Variants in ABCA8 observed in about 807,000 individuals in gnomAD.
ABCA8 encodes the protein ABC-type organic anion transporter ABCA8.
ABCA8 carries 177 observed loss-of-function variants against 192.3 expected under a neutral mutation model. The ratio of observed to expected loss-of-function variants is 0.92; its 90% CI spans 0.81 to 1.04. The LOEUF is 1.04. Among genes scored for constraint, ABCA8 ranks in the 50% least tolerant of loss-of-function variants. The pLI, the probability that ABCA8 is intolerant of heterozygous loss-of-function variation, is 0.00. For synonymous variants in ABCA8, 642 were observed against 690.2 expected, an observed-to-expected ratio of 0.93 and a Z score of 1.09; for missense variants, 1,915 against 1,904.8, an observed-to-expected ratio of 1.01 and a Z score of -0.10.
intron 20 of ABCA8, among the ~76,000 whole-genome samples, chr17:68,903,097 G>A (rs1198699966): frequency 6.6e-6 from 1 of 152,082 alleles, no homozygotes; most frequent in African/African-American, 2.4e-5. Flanking sequence ...TTTGGCCATT[G>A]GATATCCCAT....
chr17:68,896,686 T>C (rs1453800292), intron 21 of ABCA8, among the ~76,000 whole-genome samples: 1 of 152,106 alleles, frequency 6.6e-6, no homozygotes, highest in Non-Finnish European at 1.5e-5. Flanking sequence ...TACTTAATAG[T>C]GGCCCCAAAG....
At position 68,885,297 on chromosome 17, in the gene ABCA8, C is replaced by A; in HGVS notation, c.3448G>T (p.Ala1150Ser). Residue 1150 changes from alanine to serine, a missense_variant, in exon 27 of 40, where the codon GCT becomes TCT. Transcript: ENST00000586539. Reference protein sequence around the residue: ...CFYVVTVFSVAGFAFSIFESD... With the variant: ...CFYVVTVFSVSGFAFSIFESD... ...TCGAAGATACTGAACGCAAATCCAG[C>A]CACAGAGAATACAGTGACCTAAAAG... is the stretch of plus-strand genomic sequence containing the variant. 1 of 1,611,988 alleles carries A rather than the reference C, an allele frequency of 6.2e-7. No individual in the cohort carries two copies. Among genetic ancestry groups the A allele is most frequent in the Non-Finnish European group, 8.5e-7 (1 of 1,179,120 alleles).
At chr17:68,890,923 G>A (rs1810806377) in intron 24 of ABCA8, among the ~76,000 whole-genome samples, 1 of 152,128 alleles carries the variant, frequency 6.6e-6, no homozygotes, top group Non-Finnish European at 1.5e-5. Flanking sequence ...TTCCCCATCT[G>A]AAAAATATTG....
chr17:68,940,019 A>T (rs184752441), intron 4 of ABCA8, among the ~76,000 whole-genome samples: 1 of 152,252 alleles, frequency 6.6e-6, no homozygotes, highest in Admixed American at 6.5e-5. Flanking sequence ...TCTTAGAACT[A>T]CTTTTAATCA....
intron 2 of ABCA8, among the ~76,000 whole-genome samples, chr17:68,943,671 C>T (rs1219491564): frequency 6.6e-6 from 1 of 152,034 alleles, no homozygotes; most frequent in Non-Finnish European, 1.5e-5. Context: ...ATAAAAGGGA[C>T]CCATGAACAG....
intron 21 of ABCA8, among the ~76,000 whole-genome samples, chr17:68,901,935 C>CTTTTAGGAT (rs1314559523): frequency 6.6e-6 from 1 of 152,054 alleles, no homozygotes; most frequent in Non-Finnish European, 1.5e-5. Context: ...AACAATTCTA[C>CTTTTAGGAT]TTTTAGGATT....
intron 27 of ABCA8, 85 bp from the exon 28 acceptor site, chr17:68,884,481 C>A: frequency 7.0e-7 from 1 of 1,434,138 alleles, no homozygotes; most frequent in Non-Finnish European, 9.1e-7. Context: ...CCCTAAACAG[C>A]CCTGCTAACA....
rs539438213 is a variant in ABCA8 at position 68,934,205 on chromosome 17, G to C, written c.467-934C>G. Among the ~76,000 whole-genome samples the C allele has an allele frequency of 2.0e-5, 3 of 151,274 alleles. No individual in the cohort carries two copies. The South Asian group carries it at 6.3e-4, about 32-fold the overall frequency. Reference sequence around the variant, plus strand: ...CATTTAATTTTTTCTTCTTTTTTATGGTTATGGAATCCCATTGCAGGAATG... The same window carrying C: ...CATTTAATTTTTTCTTCTTTTTTATCGTTATGGAATCCCATTGCAGGAATG... On this transcript the variant is annotated intron_variant, in intron 5 of 39. Transcript: ENST00000586539.
intron 19 of ABCA8, among the ~76,000 whole-genome samples, chr17:68,904,294 TAATAATAATAATAATAA>T (rs1296871153): frequency 1.8e-3 from 7 of 3,822 alleles, no homozygotes; most frequent in Non-Finnish European, 3.1e-3. Context: ...AAAAAAGAAA[TAATAATAATAATAATAA>T]TAATAATAAT....
At chr17:68,926,335 A>C (rs547233142) in intron 10 of ABCA8, among the ~76,000 whole-genome samples, 1 of 152,298 alleles carries the variant, frequency 6.6e-6, no homozygotes, top group Non-Finnish European at 1.5e-5. Flanking sequence ...TAATACAACC[A>C]GGATGTTTTA....
chr17:68,882,810 G>A (rs970624714), intron 29 of ABCA8, 91 bp from the exon 30 acceptor site: 245 of 1,245,128 alleles, frequency 2.0e-4, no homozygotes, highest in Middle Eastern at 3.9e-4. Flanking sequence ...TGAGTAGTAC[G>A]AGCAATTAAC....
At chr17:68,892,083 C>T (rs1003258688) in intron 23 of ABCA8, among the ~76,000 whole-genome samples, 11 of 152,138 alleles carry the variant, frequency 7.2e-5, no homozygotes, top group Non-Finnish European at 1.5e-4. Flanking sequence ...GAAGGGAGAG[C>T]AAAATCACCA....
intron 17 of ABCA8, among the ~76,000 whole-genome samples, chr17:68,909,011 T>C (rs897731502): frequency 6.6e-6 from 1 of 152,206 alleles, no homozygotes; most frequent in Non-Finnish European, 1.5e-5. Flanking sequence ...AAAGAATATA[T>C]GCTATTTTTT....
chr17:68,887,377 T>C lies in ABCA8; in HGVS notation c.3274A>G (p.Asn1092Asp). 1 of 1,611,952 alleles carries C rather than the reference T, an allele frequency of 6.2e-7. No individual in the cohort carries two copies. Among genetic ancestry groups the C allele is most frequent in the Non-Finnish European group, 8.5e-7 (1 of 1,178,916 alleles). ...ATTGTAAGTAGCATGTCTTCGAAGTTTGAAATGTAGCTCATTAAATATATA... is the reference window on the plus strand; with the variant it reads ...ATTGTAAGTAGCATGTCTTCGAAGTCTGAAATGTAGCTCATTAAATATATA... ...VFIYLMSYISNFEDMLLTIIH... is the reference protein window; with the variant it reads ...VFIYLMSYISDFEDMLLTIIH... Residue 1092 changes from asparagine (N) to aspartate (D), a missense_variant, in exon 25 of 40, where the codon AAC becomes GAC. Coordinates refer to ENST00000586539, the MANE Select transcript of ABCA8 (RefSeq NM_001288985.2).
intron 19 of ABCA8, among the ~76,000 whole-genome samples, chr17:68,905,095 G>C (rs1029371218): frequency 1.3e-5 from 2 of 152,210 alleles, no homozygotes; most frequent in African/African-American, 4.8e-5. Flanking sequence ...CTGTGCAAAA[G>C]CCCAGGCACT....
chr17:68,945,269 G>A (rs981487291), intron 2 of ABCA8, among the ~76,000 whole-genome samples: 2 of 152,092 alleles, frequency 1.3e-5, no homozygotes, highest in Admixed American at 6.6e-5. Context: ...CATAGAATTT[G>A]AGCGTCGTCT....
At position 68,911,596 on chromosome 17, in the gene ABCA8, G is replaced by A. The variant is rs917275798; in HGVS notation, c.2139-3717C>T. Among the ~76,000 whole-genome samples, 3 of 152,084 alleles carry A rather than the reference G, an allele frequency of 2.0e-5. No individual in the cohort carries two copies. The highest frequency in any genetic ancestry group is 2.9e-5 in the Non-Finnish European group (2 of 68,004). On this transcript the variant is annotated intron_variant, in intron 17 of 39. Coordinates refer to ENST00000586539, the MANE Select transcript of ABCA8 (RefSeq NM_001288985.2). The surrounding 1 kb of genome is among the most constrained non-coding windows in gnomAD (Gnocchi z 5.7). Reference sequence around the variant, plus strand: ...CCTTGGGCTTAGAGTGAACATTGGCGGTAGCCAGGCAGTGGTCGCTGCGGG... The same window carrying A: ...CCTTGGGCTTAGAGTGAACATTGGCAGTAGCCAGGCAGTGGTCGCTGCGGG...
intron 3 of ABCA8, 52 bp from the exon 4 acceptor site, chr17:68,941,014 T>C: frequency 7.2e-7 from 1 of 1,391,054 alleles, no homozygotes; most frequent in Non-Finnish European, 9.9e-7. Context: ...AAATTAGTCA[T>C]CCACAATCAT....
At chr17:68,887,881 C>CATATATATATAT (rs1202636158) in intron 24 of ABCA8, among the ~76,000 whole-genome samples, 1,616 of 68,028 alleles carry the variant, frequency 0.024, 35 homozygotes, top group Non-Finnish European at 0.027. Context: ...TTCTCTCCTC[C>CATATATATATAT]ATATATATAT....
Sources: gnomAD v4.1 joint callset for allele counts (sites outside exome capture counted in the v4.1 genomes callset) on GRCh38, gnomAD v4.1.1 for gene constraint, Gnocchi (gnomAD v3.1) non-coding constraint, MANE v1.5 for transcripts, NCBI Gene and HGNC (gene_info 2026-07-23, HGNC 2026-07-21) for gene names.